Variants in MAF observed in about 807,000 individuals in gnomAD.
MAF encodes MAF bZIP transcription factor, also known as transcription factor Maf.
MAF carries 10 observed loss-of-function variants against 22.0 expected under a neutral mutation model. That is an observed-to-expected ratio of 0.45 (90% confidence interval 0.28 to 0.77). The LOEUF (loss-of-function observed/expected upper bound fraction) is 0.77. MAF is among the 30% of genes least tolerant of loss of function. The pLI, the probability that MAF is intolerant of heterozygous loss-of-function variation, is 0.12. For synonymous variants in MAF, 337 were observed against 255.8 expected (o/e 1.32, Z -3.03); for missense variants, 544 against 548.4 (o/e 0.99, Z 0.08).
downstream of MAF, among the ~76,000 whole-genome samples, chr16:79,593,378 C>A (rs946092349): frequency 6.6e-6 from 1 of 151,982 alleles, no homozygotes; most frequent in Non-Finnish European, 1.5e-5. Flanking sequence ...GTGAGGGTGA[C>A]CATGATCTGT....
At chr16:79,211,977 G>C in the MAF span, 1 of 1,513,496 alleles carries the variant, frequency 6.6e-7, no homozygotes, top group Non-Finnish European at 8.8e-7. Context: ...AATTCCTGGG[G>C]TAAAGTATCA....
At chr16:79,208,179 C>G in the MAF span, among the ~76,000 whole-genome samples, 1 of 152,196 alleles carries the variant, frequency 6.6e-6, no homozygotes, top group Non-Finnish European at 1.5e-5. Flanking sequence ...CAGTTCTCCT[C>G]TGGCAGCTCA....
the MAF span, among the ~76,000 whole-genome samples, chr16:79,395,469 A>G: frequency 6.6e-6 from 1 of 152,278 alleles, no homozygotes; most frequent in South Asian, 2.1e-4. Flanking sequence ...GTGAGATCAT[A>G]ATGGAGGAGG....
chr16:79,230,677 G>T, the MAF span, among the ~76,000 whole-genome samples: 1 of 152,028 alleles, frequency 6.6e-6, no homozygotes, highest in Admixed American at 6.6e-5. Context: ...CCAAGTATAC[G>T]AAAAGAGTTG....
chr16:79,309,233 G>A, the MAF span, among the ~76,000 whole-genome samples: 6 of 152,126 alleles, frequency 3.9e-5, no homozygotes, highest in South Asian at 2.1e-4. Context: ...CTGTTAATTC[G>A]GAGACTGGCC....
chr16:79,474,919 T>A, the MAF span, among the ~76,000 whole-genome samples: 1 of 152,140 alleles, frequency 6.6e-6, no homozygotes, highest in South Asian at 2.1e-4. Flanking sequence ...CAAATACACA[T>A]CCTAGCAACT....
chr16:79,320,993 G>A, the MAF span, among the ~76,000 whole-genome samples: 2 of 152,154 alleles, frequency 1.3e-5, no homozygotes, highest in Non-Finnish European at 2.9e-5. Context: ...CAAGAGGTGG[G>A]GTTAGACCCA....
the MAF span, among the ~76,000 whole-genome samples, chr16:79,305,433 C>A: frequency 2.0e-5 from 3 of 152,280 alleles, no homozygotes; most frequent in East Asian, 5.8e-4. Flanking sequence ...GGATGCTTTT[C>A]CTCCCTGGGG....
At chr16:79,214,968 C>A in the MAF span, among the ~76,000 whole-genome samples, 2 of 152,028 alleles carry the variant, frequency 1.3e-5, no homozygotes, top group Admixed American at 6.6e-5. Flanking sequence ...CCTCAGCCCC[C>A]CAAAGTGCTG....
chr16:79,540,968 C>T, the MAF span, among the ~76,000 whole-genome samples: 1 of 152,102 alleles, frequency 6.6e-6, no homozygotes, highest in Non-Finnish European at 1.5e-5. Flanking sequence ...AGTACTATCA[C>T]TACTACTATT....
chr16:79,397,740 T>C, the MAF span, among the ~76,000 whole-genome samples: 1 of 152,160 alleles, frequency 6.6e-6, no homozygotes, highest in Non-Finnish European at 1.5e-5. Context: ...ATTGCTATCC[T>C]TGGGGCCAGG....
At chr16:79,294,433 G>C in the MAF span, among the ~76,000 whole-genome samples, 2 of 152,140 alleles carry the variant, frequency 1.3e-5, no homozygotes, top group East Asian at 3.9e-4. Context: ...GAGTGAGTGT[G>C]GGCTACCTTG....
At chr16:79,524,012 T>G in the MAF span, among the ~76,000 whole-genome samples, 1 of 152,172 alleles carries the variant, frequency 6.6e-6, no homozygotes, top group Non-Finnish European at 1.5e-5. Context: ...CCAGTATAAA[T>G]AGACACACAC....
At chr16:79,212,211 A>T in the MAF span, 3 of 1,439,920 alleles carry the variant, frequency 2.1e-6, no homozygotes, top group East Asian at 2.5e-5. Flanking sequence ...TTAGGGAAGA[A>T]AAAGCAAGTG....
At chr16:79,220,877 A>G in the MAF span, among the ~76,000 whole-genome samples, 1 of 152,138 alleles carries the variant, frequency 6.6e-6, no homozygotes, top group African/African-American at 2.4e-5. Flanking sequence ...TCCCCAGATG[A>G]CCTGCCTGTC....
the MAF span, among the ~76,000 whole-genome samples, chr16:79,510,574 G>A: frequency 6.6e-6 from 1 of 152,100 alleles, no homozygotes. Flanking sequence ...TAAGGCAGTT[G>A]CTCATCAAAG....
the MAF span, among the ~76,000 whole-genome samples, chr16:79,503,886 T>A: frequency 6.6e-6 from 1 of 152,216 alleles, no homozygotes; most frequent in East Asian, 1.9e-4. Flanking sequence ...AAGTGTTGAT[T>A]TGTCACTATA....
At chr16:79,277,782 A>G in the MAF span, among the ~76,000 whole-genome samples, 2 of 152,198 alleles carry the variant, frequency 1.3e-5, no homozygotes, top group African/African-American at 4.8e-5. Context: ...GCCTGTGTGT[A>G]TAAATACGAC....
chr16:79,486,880 T>A, the MAF span, among the ~76,000 whole-genome samples: 115,155 of 152,010 alleles, frequency 0.76, 44,138 homozygotes, highest in Middle Eastern at 0.87. Flanking sequence ...CTCCATGGCC[T>A]TCTGACTTGT....
Sources: allele counts gnomAD v4.1 joint callset (sites outside exome capture counted in the v4.1 genomes callset), GRCh38; gene constraint gnomAD v4.1.1; transcripts MANE v1.5; gene names NCBI Gene and HGNC (gene_info 2026-07-23, HGNC 2026-07-21).